CELA2A: variants seen among roughly 807,000 people sequenced by gnomAD.
The protein encoded by CELA2A is chymotrypsin-like elastase family member 2A.
In CELA2A, 31 loss-of-function variants were observed where a neutral mutation model predicts 35.3. The observed-to-expected ratio is 0.88, with a 90% CI of 0.66 to 1.19. CELA2A has a LOEUF of 1.19. Ranked by LOEUF, CELA2A falls within the 50% of genes most tolerant of loss-of-function variation. The probability of loss-of-function intolerance (pLI) is 0.00; values close to 1 mark genes in which losing one functional copy is unlikely to be tolerated. For synonymous variants in CELA2A, 150 were observed against 149.8 expected (o/e 1.00, Z -0.01); for missense variants, 330 against 352.9 (o/e 0.94, Z 0.52).
At position 15,461,588 on chromosome 1, in the gene CELA2A, A is replaced by T; in HGVS notation, c.157A>T (p.Lys53Ter). 1.2e-6 allele frequency: 2 copies of T among 1,612,412 alleles called. No individual in the cohort carries two copies. Among genetic ancestry groups the T allele is most frequent in the Admixed American group, 3.3e-5 (2 of 60,026 alleles). ...CTCCCTGCAGTACAGCTCCAATGGC[A>T]AGTGGTACCACACCTGCGGAGGGTC... is the stretch of plus-strand genomic sequence containing the variant. ...QVSLQYSSNG[K>*]WYHTCGGSLI... Residue 53 changes from lysine (K) to a stop codon, truncating the protein, a stop_gained, in exon 3 of 8, where the codon AAG becomes TAG. Transcript: ENST00000359621. LOFTEE classifies it high-confidence loss of function.
At chr1:15,466,303 C>T (rs1290229657) in intron 6 of CELA2A, among the ~76,000 whole-genome samples, 159 bp downstream of exon 6, 1 of 152,134 alleles carries the variant, frequency 6.6e-6, no homozygotes, top group Non-Finnish European at 1.5e-5. Flanking sequence ...TGGCTCACAC[C>T]TGTAATCCCA....
intron 2 of CELA2A, 106 bp from the exon 3 acceptor site, chr1:15,461,455 C>A: frequency 1.7e-6 from 2 of 1,201,438 alleles, no homozygotes; most frequent in Non-Finnish European, 2.4e-6. Context: ...GAGGCGACTG[C>A]CTCACTCCCC....
chr1:15,472,043 A>G lies in CELA2A; in HGVS notation c.*36A>G. 1 of 1,612,568 alleles carries G rather than the reference A, an allele frequency of 6.2e-7. No individual in the cohort carries two copies. Among genetic ancestry groups the G allele is most frequent in the African/African-American group, 1.3e-5 (1 of 74,998 alleles). Reference sequence around the variant, plus strand: ...TCCCTGGGACTGTTTCAGACTTGGAAAGGTCACAGAAGGAAAATAATATAA... The same window carrying G: ...TCCCTGGGACTGTTTCAGACTTGGAGAGGTCACAGAAGGAAAATAATATAA... On this transcript the variant is annotated 3_prime_UTR_variant, in exon 8 of 8. Transcript: ENST00000359621.
intron 4 of CELA2A, 113 bp from the exon 5 acceptor site, chr1:15,463,273 G>T: frequency 6.5e-7 from 1 of 1,527,732 alleles, no homozygotes; most frequent in Non-Finnish European, 8.9e-7. Flanking sequence ...GCCAGTCAGA[G>T]CAACCTGGGG....
chr1:15,461,795 A>T (rs758163415), intron 3 of CELA2A, 137 bp downstream of exon 3: 8 of 984,600 alleles, frequency 8.1e-6, no homozygotes, highest in Non-Finnish European at 1.3e-5. Context: ...CACAAGCTGT[A>T]GTCAATCAAT....
intron 7 of CELA2A, among the ~76,000 whole-genome samples, chr1:15,468,126 A>G (rs1266218199): frequency 1.3e-5 from 2 of 150,406 alleles, no homozygotes; most frequent in East Asian, 2.0e-4. Flanking sequence ...AGTGAGTGCC[A>G]TAGAAATGGT....
intron 5 of CELA2A, among the ~76,000 whole-genome samples, chr1:15,465,602 G>A (rs533185301): frequency 6.6e-6 from 1 of 152,340 alleles, no homozygotes; most frequent in Admixed American, 6.5e-5. Context: ...CAGAGATACA[G>A]CCAGGCATCA....
intron 7 of CELA2A, among the ~76,000 whole-genome samples, chr1:15,468,686 T>C (rs1488690572): frequency 6.6e-6 from 1 of 152,148 alleles, no homozygotes; most frequent in African/African-American, 2.4e-5. Flanking sequence ...GGTACATGCC[T>C]GTAGTCTCAG....
chr1:15,467,524 G>A lies in CELA2A; in HGVS notation c.778G>A (p.Asp260Asn), dbSNP rs1226709885. Residue 260 changes from aspartate to asparagine, a missense_variant, in exon 7 of 8, where the codon GAC (aspartate) becomes AAC (asparagine). Transcript: ENST00000359621. ...CTTCACGCGGGTCTCCAATTACATCGACTGGATCAATTCGGTAAGAACCGG... is the reference window on the plus strand; with the variant it reads ...CTTCACGCGGGTCTCCAATTACATCAACTGGATCAATTCGGTAAGAACCGG... ...SVFTRVSNYI[D>N]WINSVIANN 19 of 1,614,086 alleles carry A rather than the reference G, an allele frequency of 1.2e-5. No homozygotes were observed. The highest frequency in any genetic ancestry group is 1.5e-5 in the Non-Finnish European group (18 of 1,180,024).
intron 5 of CELA2A, chr1:15,465,768 AT>A (rs1708508094): frequency 4.0e-6 from 2 of 493,912 alleles, no homozygotes; most frequent in Non-Finnish European, 7.2e-6. Flanking sequence ...TGAAACCGGA[AT>A]CTCATAGACC....
rs199536952 is a variant in CELA2A, at chr1:15,466,137, G to C, written c.632G>C (p.Ser211Thr). The change falls in exon 6 of 8, where the codon AGC becomes ACC. Residue 211 changes from serine (S) to threonine (T), a missense_variant. By Grantham distance (58) the Ser-to-Thr change is moderately conservative. Transcript: ENST00000359621. Reference protein sequence around the residue: ...ICAGGDGVISSCNGDSGGPLN... With the variant: ...ICAGGDGVISTCNGDSGGPLN... Reference sequence around the variant, plus strand: ...GCTGGGGGTGATGGCGTGATCTCCAGCTGCAACGTGAGTACCAAAATCAGG... The same window carrying C: ...GCTGGGGGTGATGGCGTGATCTCCACCTGCAACGTGAGTACCAAAATCAGG... 36 of 1,613,846 alleles carry C rather than the reference G, an allele frequency of 2.2e-5. No homozygotes were observed. The highest frequency in any genetic ancestry group is 2.9e-5 in the Non-Finnish European group (34 of 1,179,822).
intron 5 of CELA2A, 149 bp from the exon 6 acceptor site, chr1:15,465,850 A>G: frequency 1.1e-6 from 1 of 902,136 alleles, no homozygotes. Flanking sequence ...TGAACCAATC[A>G]ACCGTGAGGA....
chr1:15,466,449 C>T (rs1021334806), intron 6 of CELA2A, among the ~76,000 whole-genome samples: 5 of 151,988 alleles, frequency 3.3e-5, no homozygotes, highest in African/African-American at 9.7e-5. Flanking sequence ...GTACTCACAG[C>T]TACTCGGGAG....
chr1:15,462,337 C>T, intron 3 of CELA2A: 1 of 406,030 alleles, frequency 2.5e-6, no homozygotes, highest in Non-Finnish European at 4.9e-6. Flanking sequence ...TCTGGTTTCT[C>T]ACTAACGGTG....
intron 7 of CELA2A, among the ~76,000 whole-genome samples, chr1:15,470,828 G>A (rs1387607427): frequency 1.8e-4 from 28 of 152,072 alleles, no homozygotes; most frequent in African/African-American, 6.5e-4. Flanking sequence ...TGATCTGCCC[G>A]CCTTGGCCTC....
At chr1:15,458,113 A>G (rs910796072) in intron 2 of CELA2A, among the ~76,000 whole-genome samples, 12 of 152,158 alleles carry the variant, frequency 7.9e-5, no homozygotes, top group African/African-American at 2.7e-4. Context: ...TTTAAATCAT[A>G]TATATATAGT....
In CELA2A at chr1:15,462,790, C is replaced by T. The variant is rs375040985; in HGVS notation, c.285C>T (p.Ser95=). 4.0e-5 allele frequency: 65 copies of T among 1,613,970 alleles called. No individual in the cohort carries two copies. Among genetic ancestry groups the T allele is most frequent in the African/African-American group, 5.3e-5 (4 of 74,896 alleles). ...LGRHNLYVAE[S]GSLAVSVSKI... is the part of the protein sequence containing the mutation. ...GGCACAACCTCTACGTTGCGGAGTC[C>T]GGCTCGCTGGCAGTCAGTGTCTCTA... The change falls in exon 4 of 8, where the codon TCC becomes TCT. Residue 95 remains serine (S), a synonymous_variant. Coordinates refer to ENST00000359621, the MANE Select transcript of CELA2A (RefSeq NM_033440.3).
At chr1:15,457,848 C>A (rs933287005) in intron 2 of CELA2A, among the ~76,000 whole-genome samples, 2 of 152,102 alleles carry the variant, frequency 1.3e-5, no homozygotes, top group African/African-American at 4.8e-5. Flanking sequence ...GTGCTATTTG[C>A]GCAGATTAAT....
chr1:15,462,748 C>A lies in CELA2A; in HGVS notation c.243C>A (p.Tyr81Ter), dbSNP rs1453113347. ...AAHCISSSRTYRVGLGRHNLY... is the reference protein window; with the variant it reads ...AAHCISSSRT ...TTTCTCCCAGCTCCTCCAGGACCTACCGCGTGGGGCTGGGCCGGCACAACC... is the reference window on the plus strand; with the variant it reads ...TTTCTCCCAGCTCCTCCAGGACCTAACGCGTGGGGCTGGGCCGGCACAACC... Residue 81 changes from tyrosine (Y) to a stop codon, truncating the protein, a stop_gained, in exon 4 of 8, where the codon TAC becomes TAA. Transcript: ENST00000359621. LOFTEE classifies it high-confidence loss of function. 6.2e-7 allele frequency: 1 copy of A among 1,614,082 alleles called. No individual in the cohort carries two copies. The highest frequency in any genetic ancestry group is 2.2e-5 in the East Asian group (1 of 44,870).
Sources: gnomAD v4.1 joint callset for allele counts (sites outside exome capture counted in the v4.1 genomes callset) on GRCh38, gnomAD v4.1.1 for gene constraint, MANE v1.5 for transcripts, NCBI Gene and HGNC (gene_info 2026-07-23, HGNC 2026-07-21) for gene names.